The following DPP6 variants were observed in gnomAD, a reference collection of about 807,000 sequenced individuals.
DPP6 encodes A-type potassium channel modulatory protein DPP6.
A neutral mutation model predicts 122.6 loss-of-function variants in DPP6; 69 were observed. That is an observed-to-expected ratio of 0.56 (90% CI 0.46 to 0.69). The LOEUF (loss-of-function observed/expected upper bound fraction) is 0.69. Among genes scored for constraint, DPP6 ranks in the 30% least tolerant of loss-of-function variants. DPP6 has a pLI of 0.00. For missense variants in DPP6, 928 were observed against 1,116.9 expected, an observed-to-expected ratio of 0.83 and a Z score of 2.41; for synonymous variants, 418 against 433.1, an observed-to-expected ratio of 0.97 and a Z score of 0.43.
the DPP6 span, among the ~76,000 whole-genome samples, chr7:153,815,420 A>G: frequency 6.5e-4 from 99 of 152,178 alleles, no homozygotes; most frequent in Middle Eastern, 3.4e-3. Flanking sequence ...CACAATGTGC[A>G]GGTTAGTTAC....
At chr7:153,971,823 G>A (rs544588260) in intron 1 of DPP6, among the ~76,000 whole-genome samples, 31 of 142,624 alleles carry the variant, frequency 2.2e-4, no homozygotes, top group Middle Eastern at 3.5e-3. Flanking sequence ...GCTCCATAAC[G>A]TCTAGCTTTA....
chr7:153,995,882 A>G (rs1312081188), intron 1 of DPP6, among the ~76,000 whole-genome samples: 1 of 152,212 alleles, frequency 6.6e-6, no homozygotes, highest in Non-Finnish European at 1.5e-5. Context: ...GACTTAGGCC[A>G]CAGTGATCAT....
At chr7:154,351,771 A>T (rs1810876299) in intron 1 of DPP6, among the ~76,000 whole-genome samples, 1 of 152,190 alleles carries the variant, frequency 6.6e-6, no homozygotes, top group African/African-American at 2.4e-5. Context: ...AATTGGAGCC[A>T]AGACAGGACT....
intron 1 of DPP6, among the ~76,000 whole-genome samples, chr7:154,344,052 G>C (rs1471819987): frequency 2.6e-5 from 4 of 152,044 alleles, no homozygotes; most frequent in African/African-American, 9.7e-5. Flanking sequence ...TCTTTTAAAA[G>C]AACCATGACA....
the DPP6 span, among the ~76,000 whole-genome samples, chr7:153,784,871 A>T: frequency 6.6e-6 from 1 of 152,232 alleles, no homozygotes; most frequent in Non-Finnish European, 1.5e-5. Flanking sequence ...AAGCTGTTAC[A>T]ATATCAGACC....
rs182704515 is a variant in DPP6 at position 154,067,558 on chromosome 7, G to A, written c.243+14495G>A. On this transcript the variant is annotated intron_variant, in intron 1 of 25. Coordinates refer to ENST00000377770, the MANE Select transcript of DPP6 (RefSeq NM_130797.4). Reference sequence around the variant, plus strand: ...GGCAAAGCCATTCAGAATGACCCTCGGAGATGGGCAGGGCACCATGGGGCT... The same window carrying A: ...GGCAAAGCCATTCAGAATGACCCTCAGAGATGGGCAGGGCACCATGGGGCT... Among the ~76,000 whole-genome samples, 1,096 of 152,248 alleles carry A rather than the reference G, an allele frequency of 7.2e-3. 8 individuals carry two copies. Among genetic ancestry groups the A allele is most frequent in the Non-Finnish European group, 0.011 (726 of 68,002 alleles).
At chr7:154,798,411 G>T (rs1798167492) in intron 12 of DPP6, among the ~76,000 whole-genome samples, 2 of 152,198 alleles carry the variant, frequency 1.3e-5, no homozygotes, top group South Asian at 4.1e-4. Context: ...CTTCCAAGCA[G>T]AATCCAGTCA....
intron 1 of DPP6, among the ~76,000 whole-genome samples, chr7:154,270,766 A>G (rs1803732692): frequency 6.6e-6 from 1 of 152,192 alleles, no homozygotes; most frequent in African/African-American, 2.4e-5. Context: ...AAACAAGAGT[A>G]CAAGTGCCTG....
At position 154,085,007 on chromosome 7, in the gene DPP6, A is replaced by AAC. The variant is rs1554457759; in HGVS notation, c.243+31945_243+31946insCA. Among the ~76,000 whole-genome samples, 36 of 149,126 alleles carry AAC rather than the reference A, an allele frequency of 2.4e-4. 1 individual carries two copies. Among genetic ancestry groups the AAC allele is most frequent in the African/African-American group, 4.2e-4 (17 of 40,048 alleles). ...TCCGTCTCAAAAAAAAAAAAAAAAA[A>AAC]AAAACAGGTGCCTTTATAAAACCTT... On this transcript the variant is annotated intron_variant, in intron 1 of 25. Coordinates refer to ENST00000377770, the MANE Select transcript of DPP6 (RefSeq NM_130797.4).
chr7:154,630,410 A>G (rs1180124525), intron 5 of DPP6, among the ~76,000 whole-genome samples: 2 of 152,246 alleles, frequency 1.3e-5, no homozygotes, highest in Non-Finnish European at 2.9e-5. Context: ...AAACTTGGTA[A>G]TCATGTTTAC....
chr7:153,858,398 G>A, the DPP6 span, among the ~76,000 whole-genome samples: 7 of 152,280 alleles, frequency 4.6e-5, no homozygotes, highest in African/African-American at 1.7e-4. Context: ...CGCTAGTAAC[G>A]GTGTAAACAC....
intron 16 of DPP6, 113 bp downstream of exon 16, chr7:154,807,225 T>C: frequency 2.1e-6 from 3 of 1,439,302 alleles, no homozygotes; most frequent in Non-Finnish European, 2.8e-6. Flanking sequence ...CACAGCGTAT[T>C]CCAGAACAGG....
At chr7:154,390,847 CTG>C (rs2151164415) in intron 1 of DPP6, among the ~76,000 whole-genome samples, 1 of 152,288 alleles carries the variant, frequency 6.6e-6, no homozygotes, top group African/African-American at 2.4e-5. Flanking sequence ...CCGACTACTC[CTG>C]TGCCCGTTGC....
intron 25 of DPP6, chr7:154,890,761 G>A (rs764924484): frequency 6.6e-6 from 1 of 152,252 alleles, no homozygotes; most frequent in Non-Finnish European, 1.5e-5. Context: ...GGAGACGGGG[G>A]CCTGAGGCAG....
rs553657891 is a variant in DPP6 at position 154,142,567 on chromosome 7, A to G, written c.243+89504A>G. 5.9e-5 allele frequency among the ~76,000 whole-genome samples: 9 copies of G among 152,248 alleles called. No homozygotes were observed. The East Asian group carries it at 1.7e-3, about 29-fold the overall frequency. On this transcript the variant is annotated intron_variant, in intron 1 of 25. Coordinates refer to ENST00000377770, the MANE Select transcript of DPP6 (RefSeq NM_130797.4). ...CATCTTTAAGATACAGTTTTCATCAATATATTTTCAATGTTTATACATGTT... is the reference window on the plus strand; with the variant it reads ...CATCTTTAAGATACAGTTTTCATCAGTATATTTTCAATGTTTATACATGTT...
At chr7:154,359,716 T>G (rs960936385) in intron 1 of DPP6, among the ~76,000 whole-genome samples, 2 of 152,184 alleles carry the variant, frequency 1.3e-5, no homozygotes, top group Non-Finnish European at 2.9e-5. Context: ...AATGAATGTA[T>G]GAAGTACTAA....
intron 3 of DPP6, among the ~76,000 whole-genome samples, chr7:154,519,354 C>T (rs906661739): frequency 1.3e-5 from 2 of 152,228 alleles, no homozygotes; most frequent in African/African-American, 2.4e-5. Flanking sequence ...CAAATTCAGA[C>T]TCACATTCTG....
chr7:153,915,941 ATTTT>A (rs1265190613), intron 1 of DPP6, among the ~76,000 whole-genome samples: 3 of 115,672 alleles, frequency 2.6e-5, no homozygotes, highest in South Asian at 6.2e-4. Flanking sequence ...AGCTCCTCTG[ATTTT>A]TATTTATTTA....
chr7:154,490,282 G>A (rs1037936927), intron 3 of DPP6, among the ~76,000 whole-genome samples: 1 of 152,242 alleles, frequency 6.6e-6, no homozygotes, highest in African/African-American at 2.4e-5. Context: ...TGTGAAGGAT[G>A]AGACAACACC....
Sources: allele counts gnomAD v4.1 joint callset (sites outside exome capture counted in the v4.1 genomes callset), GRCh38; gene constraint gnomAD v4.1.1; transcripts MANE v1.5; gene names NCBI Gene and HGNC (gene_info 2026-07-23, HGNC 2026-07-21).